Variants in RAI14 observed in about 807,000 individuals in gnomAD.
RAI14 encodes retinoic acid induced 14.
A neutral mutation model predicts 115.4 loss-of-function variants in RAI14; 45 were observed. The ratio of observed to expected loss-of-function variants is 0.39; its 90% CI spans 0.31 to 0.50. The LOEUF (loss-of-function observed/expected upper bound fraction) is 0.50. Ranked by LOEUF, RAI14 falls within the 20% of genes least tolerant of loss-of-function variation. The probability of loss-of-function intolerance (pLI) is 0.85; values close to 1 mark genes in which losing one functional copy is unlikely to be tolerated. For missense variants in RAI14, 939 were observed against 1,131.2 expected (o/e 0.83, Z 2.44); for synonymous variants, 371 against 415.4 (o/e 0.89, Z 1.30).
chr5:34,771,111 G>C (rs1430099098), intron 3 of RAI14, among the ~76,000 whole-genome samples: 2 of 152,136 alleles, frequency 1.3e-5, no homozygotes, highest in Non-Finnish European at 2.9e-5. Context: ...GTGTATTAGG[G>C]AGAAAATACC....
rs552352665 is a variant in RAI14 at position 34,667,980 on chromosome 5, T to C, written c.-49+11505T>C. The stretch of plus-strand genomic sequence containing the variant: ...ATCCTTTTTCAAAAATGAAAGGAAT[T>C]ACTTCTGTTGCCGAGACAGGAGAGG... On this transcript the variant is annotated intron_variant, in intron 1 of 17. Coordinates refer to ENST00000265109, the MANE Select transcript of RAI14 (RefSeq NM_015577.3). Among the ~76,000 whole-genome samples the C allele has an allele frequency of 5.9e-5, 9 of 152,290 alleles. No homozygotes were observed. The East Asian group carries it at 1.7e-3, about 29-fold the overall frequency.
At chr5:34,778,173 A>T (rs778543089) in intron 3 of RAI14, among the ~76,000 whole-genome samples, 7 of 152,192 alleles carry the variant, frequency 4.6e-5, no homozygotes, top group Non-Finnish European at 1.0e-4. Flanking sequence ...AAAAGGAAAA[A>T]ATGACAGTGT....
intron 3 of RAI14, among the ~76,000 whole-genome samples, chr5:34,758,695 C>T (rs936143213): frequency 3.3e-5 from 5 of 152,158 alleles, no homozygotes; most frequent in Non-Finnish European, 5.9e-5. Flanking sequence ...AGGCATGTGC[C>T]ACCGTGCCTG....
At position 34,795,945 on chromosome 5, in the gene RAI14, T is replaced by C. The variant is rs1200816187; in HGVS notation, c.174T>C (p.His58=). 5 of 1,612,824 alleles carry C rather than the reference T, an allele frequency of 3.1e-6. No individual in the cohort carries two copies. The highest frequency in any genetic ancestry group is 2.7e-5 in the African/African-American group (2 of 74,882). The change falls in exon 4 of 18, where the codon CAT becomes CAC. Residue 58 remains histidine (H), a synonymous_variant. Transcript: ENST00000265109. ...TGTTTACTTCTCTTTCCAGTTTCCA[T>C]CTTGCTGCTGCAAAAGGACACGTGG... ...KHDSEGKTAF[H]LAAAKGHVEC...
At chr5:34,687,192 G>A (rs1737947978) in intron 2 of RAI14, among the ~76,000 whole-genome samples, 1 of 152,132 alleles carries the variant, frequency 6.6e-6, no homozygotes, top group African/African-American at 2.4e-5. Context: ...GGGGATCTGT[G>A]CCTTGTAGAG....
At chr5:34,794,624 T>C (rs913252431) in intron 3 of RAI14, among the ~76,000 whole-genome samples, 1 of 152,114 alleles carries the variant, frequency 6.6e-6, no homozygotes, top group African/African-American at 2.4e-5. Flanking sequence ...AAGGGAACCA[T>C]TAGAAATTAT....
chr5:34,832,583 T>C lies in RAI14; in HGVS notation c.*1818T>C, dbSNP rs1002856884. ...TTGTCTTTGTAATTTACAGAAGTTATTGGAGAAAATAAACTTGTTTCATTT... is the reference window on the plus strand; with the variant it reads ...TTGTCTTTGTAATTTACAGAAGTTACTGGAGAAAATAAACTTGTTTCATTT... On this transcript the variant is annotated 3_prime_UTR_variant, in exon 18 of 18. Coordinates refer to ENST00000265109, the MANE Select transcript of RAI14 (RefSeq NM_015577.3). 2 of 152,688 alleles carry C rather than the reference T, an allele frequency of 1.3e-5. No homozygotes were observed. The highest frequency in any genetic ancestry group is 2.9e-5 in the Non-Finnish European group (2 of 68,048). 9.5% of individuals were successfully genotyped at this position (152,688 alleles called of 1,614,324 possible).
At chr5:34,798,199 C>T (rs1357404875) in intron 4 of RAI14, among the ~76,000 whole-genome samples, 3 of 152,192 alleles carry the variant, frequency 2.0e-5, no homozygotes, top group South Asian at 2.1e-4. Flanking sequence ...CCACCACGCC[C>T]GGCTAATTTT....
chr5:34,695,433 C>A (rs372845745), intron 2 of RAI14, among the ~76,000 whole-genome samples: 1 of 152,188 alleles, frequency 6.6e-6, no homozygotes, highest in Non-Finnish European at 1.5e-5. Context: ...CTTTCTCTGG[C>A]GTCCTCTGTT....
intron 2 of RAI14, among the ~76,000 whole-genome samples, chr5:34,748,759 C>G (rs1202150830): frequency 2.0e-5 from 3 of 149,480 alleles, no homozygotes; most frequent in Non-Finnish European, 4.4e-5. Flanking sequence ...CTCAGGAGTT[C>G]AAGATCAGCC....
intron 4 of RAI14, among the ~76,000 whole-genome samples, chr5:34,802,780 G>C (rs923369955): frequency 6.6e-6 from 1 of 152,196 alleles, no homozygotes; most frequent in African/African-American, 2.4e-5. Flanking sequence ...AAAGCAGGGA[G>C]TGGGGGTAAA....
At chr5:34,769,112 G>A (rs1024915148) in intron 3 of RAI14, among the ~76,000 whole-genome samples, 2 of 152,052 alleles carry the variant, frequency 1.3e-5, no homozygotes, top group African/African-American at 4.8e-5. Context: ...GCACATCACA[G>A]GCACTTAAAG....
intron 2 of RAI14, chr5:34,687,675 G>A: frequency 6.4e-7 from 1 of 1,551,570 alleles, no homozygotes; most frequent in Non-Finnish European, 8.7e-7. Context: ...TTTGAGCAGA[G>A]TTGTGGAGTG....
intron 1 of RAI14, among the ~76,000 whole-genome samples, chr5:34,665,998 A>C (rs540794871): frequency 3.2e-4 from 48 of 152,352 alleles, no homozygotes; most frequent in African/African-American, 1.1e-3. Flanking sequence ...TGCAATTTAT[A>C]TGCAATGAAA....
intron 3 of RAI14, among the ~76,000 whole-genome samples, chr5:34,795,690 G>A (rs1367655265): frequency 6.6e-6 from 1 of 152,074 alleles, no homozygotes; most frequent in Non-Finnish European, 1.5e-5. Context: ...GGTCTTTGGG[G>A]TTGGAAGATC....
intron 3 of RAI14, among the ~76,000 whole-genome samples, chr5:34,783,229 T>A (rs1234699033): frequency 6.6e-6 from 1 of 152,214 alleles, no homozygotes; most frequent in African/African-American, 2.4e-5. Context: ...TTCCTCTGGT[T>A]TTCTTCTGCC....
intron 2 of RAI14, among the ~76,000 whole-genome samples, chr5:34,708,561 A>G: frequency 6.6e-6 from 1 of 152,316 alleles, no homozygotes; most frequent in South Asian, 2.1e-4. Context: ...GTCAGCAGTT[A>G]AAAAATTGTC....
chr5:34,797,441 G>C (rs185763481), intron 4 of RAI14, among the ~76,000 whole-genome samples: 2 of 150,842 alleles, frequency 1.3e-5, no homozygotes, highest in East Asian at 3.9e-4. Flanking sequence ...TGAGAATAGG[G>C]TTTTTTTTTA....
Position 34,808,601 on chromosome 5 carries a change from C to A in RAI14, c.397C>A (p.Gln133Lys). The change falls in exon 7 of 18, where the codon CAA becomes AAA. Residue 133 changes from glutamine to lysine, a missense_variant. Coordinates refer to ENST00000265109, the MANE Select transcript of RAI14 (RefSeq NM_015577.3). ...LHYAAAQGCL[Q>K]AVQILCEHKS... ...TCCCCCAGCGGCTCAGGGCTGCCTT[C>A]AAGCTGTGCAGATTCTCTGCGAACA... The A allele has an allele frequency of 6.2e-7, 1 of 1,614,222 alleles. No individual in the cohort carries two copies. The highest frequency in any genetic ancestry group is 8.5e-7 in the Non-Finnish European group (1 of 1,180,032).
Sources: allele counts gnomAD v4.1 joint callset (sites outside exome capture counted in the v4.1 genomes callset), GRCh38; gene constraint gnomAD v4.1.1; transcripts MANE v1.5; gene names NCBI Gene and HGNC (gene_info 2026-07-23, HGNC 2026-07-21).